The following CELF1 variants were observed in gnomAD, a reference collection of about 807,000 sequenced individuals.
CELF1 encodes CUGBP Elav-like family member 1.
CELF1 carries 10 observed loss-of-function variants against 61.8 expected under a neutral mutation model. That is an observed-to-expected ratio of 0.16 (90% CI 0.10 to 0.27). The LOEUF (loss-of-function observed/expected upper bound fraction) is 0.27. Ranked by LOEUF, CELF1 falls within the 10% of genes least tolerant of loss-of-function variation. The probability of loss-of-function intolerance (pLI) is 1.00; values close to 1 mark genes in which losing one functional copy is unlikely to be tolerated. For missense variants in CELF1, 380 were observed against 639.1 expected (o/e 0.59, Z 4.37); for synonymous variants, 236 against 225.1 (o/e 1.05, Z -0.43).
chr11:47,534,268 G>A (rs996265830), intron 1 of CELF1, among the ~76,000 whole-genome samples: 2 of 150,852 alleles, frequency 1.3e-5, no homozygotes, highest in African/African-American at 4.8e-5. Context: ...GACCTCAGGT[G>A]ATCCACCCGC....
At chr11:47,517,789 A>AT (rs1292665729) in intron 1 of CELF1, among the ~76,000 whole-genome samples, 1 of 152,018 alleles carries the variant, frequency 6.6e-6, no homozygotes, top group African/African-American at 2.4e-5. Context: ...AGCAGCTGGG[A>AT]TTACAGGCAC....
intron 1 of CELF1, among the ~76,000 whole-genome samples, chr11:47,536,955 G>C (rs936519939): frequency 1.3e-5 from 2 of 152,120 alleles, no homozygotes; most frequent in African/African-American, 2.4e-5. Flanking sequence ...ATATCAAACA[G>C]CCTAGAAACA....
intron 1 of CELF1, among the ~76,000 whole-genome samples, chr11:47,520,875 T>C (rs1389733883): frequency 6.6e-6 from 1 of 152,100 alleles, no homozygotes; most frequent in Non-Finnish European, 1.5e-5. Context: ...CAGTAAATAG[T>C]CTGGTACTAG....
intron 6 of CELF1, among the ~76,000 whole-genome samples, chr11:47,485,662 A>G (rs987922387): frequency 6.6e-6 from 1 of 151,546 alleles, no homozygotes; most frequent in African/African-American, 2.4e-5. Flanking sequence ...GCATACTGCA[A>G]CCACCGTCTC....
At chr11:47,542,069 T>C (rs1489904855) in intron 1 of CELF1, among the ~76,000 whole-genome samples, 3 of 152,048 alleles carry the variant, frequency 2.0e-5, no homozygotes, top group Non-Finnish European at 4.4e-5. Context: ...AGTGGAGAGT[T>C]CTTTCTAAAG....
Position 47,489,003 on chromosome 11 carries a change from G to C in CELF1, c.93C>G (p.Thr31=). The C allele has an allele frequency of 1.9e-6, 3 of 1,588,044 alleles. No individual in the cohort carries two copies. The highest frequency in any genetic ancestry group is 2.6e-6 in the Non-Finnish European group (3 of 1,171,720). ...GATCTGGTTGGTCTGGGTGGTCCAG[G>C]GTGCCGTTCATTTTCTTTGAGCTGT... ...SSPVSKKMNG[T]LDHPDQPDLD... is the part of the protein sequence containing the mutation. Residue 31 remains threonine, a synonymous_variant, in exon 4 of 15, where the codon ACC becomes ACG. Coordinates refer to ENST00000687097, the MANE Select transcript of CELF1 (RefSeq NM_001376376.1).
rs374401044 is a variant in CELF1, at chr11:47,504,902, C to CAAAAA, written c.-153-3975_-153-3971dup. On this transcript the variant is annotated intron_variant, in intron 1 of 14. Coordinates refer to ENST00000687097, the MANE Select transcript of CELF1 (RefSeq NM_001376376.1). The stretch of plus-strand genomic sequence containing the variant: ...GGGCGATAGAGTGAGACTCTGTCAC[C>CAAAAA]AAAAAAAAAAAAAAAAAAATTTCCA... Among the ~76,000 whole-genome samples, 753 of 107,838 alleles carry CAAAAA rather than the reference C, an allele frequency of 7.0e-3. 6 individuals are homozygous for CAAAAA. The highest frequency in any genetic ancestry group is 0.025 in the African/African-American group (700 of 27,890). 70.7% of individuals were successfully genotyped at this position (107,838 alleles called of 152,430 possible).
chr11:47,550,214 C>T, intron 1 of CELF1, among the ~76,000 whole-genome samples: 1 of 151,992 alleles, frequency 6.6e-6, no homozygotes. Context: ...AACAGTGACA[C>T]CCTGTCTCTA....
chr11:47,527,670 T>G (rs1339821284), intron 1 of CELF1, among the ~76,000 whole-genome samples: 1 of 152,224 alleles, frequency 6.6e-6, no homozygotes, highest in African/African-American at 2.4e-5. Context: ...AGCAGTCCTA[T>G]TACAGCAACT....
intron 3 of CELF1, chr11:47,496,067 C>T (rs894473061): frequency 6.6e-6 from 6 of 906,260 alleles, no homozygotes; most frequent in African/African-American, 3.6e-5. Flanking sequence ...AACAGAAGTG[C>T]GTGAGAATAA....
chr11:47,477,299 G>A lies in CELF1; in HGVS notation c.971C>T (p.Ser324Leu), dbSNP rs1412499046. The A allele has an allele frequency of 6.2e-7, 1 of 1,613,868 alleles. No homozygotes were observed. Among genetic ancestry groups the A allele is most frequent in the African/African-American group, 1.3e-5 (1 of 74,906 alleles). The change falls in exon 11 of 15, where the codon TCA becomes TTA. Residue 324 changes from serine (S) to leucine (L), a missense_variant and splice_region_variant. By Grantham distance (145) the Ser-to-Leu change is moderately radical. Transcript: ENST00000687097. ...CACTGGGTCATCCTCATGCTTACCT[G>A]AACTAGTGAGCACGCTGAGGGGACT... is the stretch of plus-strand genomic sequence containing the variant. Reference protein sequence around the residue: ...SSSPLSVLTSSAGSSPSSSSS... With the variant: ...SSSPLSVLTSLAGSSPSSSSS...
Position 47,475,066 on chromosome 11 carries a change from A to G in CELF1, c.1273+270T>C, listed in dbSNP as rs376159558. ...GAAACATTCTTGTCAAATGTGTCAG[A>G]CCCGATAAGGTCAGTGTCTGTTGCT... is the stretch of plus-strand genomic sequence containing the variant. On this transcript the variant is annotated intron_variant, in intron 13 of 14. Coordinates refer to ENST00000687097, the MANE Select transcript of CELF1 (RefSeq NM_001376376.1). Among the ~76,000 whole-genome samples the G allele has an allele frequency of 1.8e-4, 27 of 152,350 alleles. 1 individual carries two copies. Among genetic ancestry groups the G allele is most frequent in the African/African-American group, 6.3e-4 (26 of 41,586 alleles).
chr11:47,534,949 G>A (rs2096590939), intron 1 of CELF1, among the ~76,000 whole-genome samples: 1 of 151,930 alleles, frequency 6.6e-6, no homozygotes, highest in Non-Finnish European at 1.5e-5. Context: ...CTGATCTGTG[G>A]ATCTGTTTTT....
chr11:47,517,975 T>C (rs1411663045), intron 1 of CELF1, among the ~76,000 whole-genome samples: 2 of 152,142 alleles, frequency 1.3e-5, no homozygotes, highest in Non-Finnish European at 2.9e-5. Flanking sequence ...CTTGAGCTTT[T>C]GGAGCATGGC....
intron 1 of CELF1, among the ~76,000 whole-genome samples, chr11:47,527,499 G>C (rs2096288555): frequency 6.6e-6 from 1 of 152,028 alleles, no homozygotes; most frequent in African/African-American, 2.4e-5. Flanking sequence ...TCAAGGGAGA[G>C]GATCACTTGA....
At chr11:47,546,154 CCTG>C (rs1004887319) in intron 1 of CELF1, among the ~76,000 whole-genome samples, 3 of 151,032 alleles carry the variant, frequency 2.0e-5, no homozygotes, top group African/African-American at 7.3e-5. Flanking sequence ...TTGTGATCTG[CCTG>C]CCTCGGCCTC....
At chr11:47,509,107 A>T (rs193287403) in intron 1 of CELF1, among the ~76,000 whole-genome samples, 9 of 152,224 alleles carry the variant, frequency 5.9e-5, no homozygotes, top group African/African-American at 2.2e-4. Flanking sequence ...TTGTCTTCCC[A>T]GTTTTGCTTT....
At chr11:47,516,341 T>C (rs762320180) in intron 1 of CELF1, among the ~76,000 whole-genome samples, 3 of 152,210 alleles carry the variant, frequency 2.0e-5, no homozygotes, top group Non-Finnish European at 2.9e-5. Flanking sequence ...CTTGCAGATT[T>C]AGCTAGTATC....
At chr11:47,485,348 T>C (rs2086104485) in intron 6 of CELF1, among the ~76,000 whole-genome samples, 2 of 152,146 alleles carry the variant, frequency 1.3e-5, no homozygotes, top group South Asian at 4.1e-4. Flanking sequence ...ACCCAGCTAA[T>C]TTTTTGCAGA....
Sources: gnomAD v4.1 joint callset for allele counts (sites outside exome capture counted in the v4.1 genomes callset) on GRCh38, gnomAD v4.1.1 for gene constraint, MANE v1.5 for transcripts, NCBI Gene and HGNC (gene_info 2026-07-23, HGNC 2026-07-21) for gene names.